Variants in SORCS1 observed in about 807,000 individuals in gnomAD.
The protein encoded by SORCS1 is sortilin related VPS10 domain containing receptor 1.
A neutral mutation model predicts 146.1 loss-of-function variants in SORCS1; 60 were observed. The observed-to-expected ratio is 0.41, with a 90% CI of 0.33 to 0.51. The LOEUF (loss-of-function observed/expected upper bound fraction) is 0.51, where lower values mean the gene tolerates loss of function less well. Ranked by LOEUF, SORCS1 falls within the 20% of genes least tolerant of loss-of-function variation. SORCS1 has a pLI of 0.21. For missense variants in SORCS1, 1,352 were observed against 1,487.6 expected, an observed-to-expected ratio of 0.91 and a Z score of 1.50; for synonymous variants, 637 against 584.0, an observed-to-expected ratio of 1.09 and a Z score of -1.31.
intron 1 of SORCS1, among the ~76,000 whole-genome samples, chr10:107,063,914 C>T (rs75264208): frequency 1.5e-3 from 228 of 152,232 alleles, no homozygotes; most frequent in African/African-American, 5.3e-3. Flanking sequence ...TTTTAAAATA[C>T]TTGAAATGAA....
intron 18 of SORCS1, among the ~76,000 whole-genome samples, chr10:106,646,943 C>T (rs1441314808): frequency 6.7e-6 from 1 of 148,642 alleles, no homozygotes; most frequent in Non-Finnish European, 1.5e-5. Flanking sequence ...TTTCTTGACT[C>T]TCCTTGTTCA....
chr10:106,883,306 G>C (rs568807265), intron 2 of SORCS1, among the ~76,000 whole-genome samples: 50 of 152,164 alleles, frequency 3.3e-4, no homozygotes, highest in Non-Finnish European at 2.4e-4. Flanking sequence ...AATCTTCATA[G>C]ATTTTTTCTT....
chr10:107,098,562 T>C (rs1301793454), intron 1 of SORCS1, among the ~76,000 whole-genome samples: 1 of 152,262 alleles, frequency 6.6e-6, no homozygotes, highest in Non-Finnish European at 1.5e-5. Flanking sequence ...GAGAATTTAC[T>C]GTTTTCTGTC....
At chr10:106,792,029 T>A (rs531776021) in intron 3 of SORCS1, among the ~76,000 whole-genome samples, 2 of 152,230 alleles carry the variant, frequency 1.3e-5, no homozygotes, top group Non-Finnish European at 2.9e-5. Context: ...TGTCTCTTTT[T>A]CTTATTGATT....
chr10:107,153,114 CTCTT>C (rs1968965072), intron 1 of SORCS1, among the ~76,000 whole-genome samples: 1 of 151,912 alleles, frequency 6.6e-6, no homozygotes, highest in African/African-American at 2.4e-5. Flanking sequence ...TTTCTTCTCT[CTCTT>C]ATTCATTTTC....
At chr10:107,176,092 C>T in the SORCS1 span, among the ~76,000 whole-genome samples, 1 of 152,132 alleles carries the variant, frequency 6.6e-6, no homozygotes, top group Non-Finnish European at 1.5e-5. Context: ...ACTGCTTTAG[C>T]TGCATCTCAC....
At chr10:106,881,178 G>T (rs1226619121) in intron 2 of SORCS1, among the ~76,000 whole-genome samples, 1 of 151,268 alleles carries the variant, frequency 6.6e-6, no homozygotes, top group Non-Finnish European at 1.5e-5. Flanking sequence ...CCAGTAAAAT[G>T]ACTTTGGGCT....
intron 10 of SORCS1, among the ~76,000 whole-genome samples, 182 bp from the exon 11 acceptor site, chr10:106,679,916 C>T (rs1421907944): frequency 6.6e-6 from 1 of 152,132 alleles, no homozygotes; most frequent in African/African-American, 2.4e-5. Flanking sequence ...ATCTAGTGTC[C>T]ACTAAGTGTA....
At chr10:106,928,374 G>C (rs1249411384) in intron 2 of SORCS1, among the ~76,000 whole-genome samples, 1 of 152,212 alleles carries the variant, frequency 6.6e-6, no homozygotes, top group Admixed American at 6.5e-5. Flanking sequence ...GCCAGGGGCC[G>C]GCAGGCTGCT....
At chr10:106,591,797 G>C (rs894675077) in intron 24 of SORCS1, among the ~76,000 whole-genome samples, 1 of 152,174 alleles carries the variant, frequency 6.6e-6, no homozygotes, top group African/African-American at 2.4e-5. Context: ...CCAGGCAAAT[G>C]TCTCTGGAAA....
chr10:107,104,284 C>T (rs1388957419), intron 1 of SORCS1, among the ~76,000 whole-genome samples: 1 of 152,200 alleles, frequency 6.6e-6, no homozygotes, highest in South Asian at 2.1e-4. Context: ...CAAGTTTAAT[C>T]CTCTTCCGCT....
At chr10:106,934,105 A>C (rs1406310675) in intron 2 of SORCS1, among the ~76,000 whole-genome samples, 6 of 151,394 alleles carry the variant, frequency 4.0e-5, no homozygotes, top group South Asian at 2.1e-4. Context: ...AAAAACAAAA[A>C]AAAAAAAAAA....
intron 1 of SORCS1, among the ~76,000 whole-genome samples, chr10:106,997,442 T>C (rs1241285052): frequency 6.6e-6 from 1 of 152,186 alleles, no homozygotes; most frequent in Non-Finnish European, 1.5e-5. Context: ...ATCTGGACTA[T>C]ACTAAATTAC....
rs1394038844 is a variant in SORCS1 at position 106,846,003 on chromosome 10, C to A, written c.627-16330G>T. On this transcript the variant is annotated intron_variant, in intron 2 of 25. Transcript: ENST00000263054. ...TACTGTAGCCTTGTAGCATAGTTTGCAGTCAGGTAGTGTGATGCCTCCAGC... is the reference window on the plus strand; with the variant it reads ...TACTGTAGCCTTGTAGCATAGTTTGAAGTCAGGTAGTGTGATGCCTCCAGC... Among the ~76,000 whole-genome samples, 50 of 130,160 alleles carry A rather than the reference C, an allele frequency of 3.8e-4. 3 individuals are homozygous for A. The highest frequency in any genetic ancestry group is 6.6e-4 in the Non-Finnish European group (37 of 55,724). 85.4% of individuals were successfully genotyped at this position (130,160 alleles called of 152,430 possible).
At chr10:106,691,197 G>C (rs1368371799) in intron 9 of SORCS1, among the ~76,000 whole-genome samples, 1 of 152,270 alleles carries the variant, frequency 6.6e-6, no homozygotes, top group East Asian at 1.9e-4. Flanking sequence ...TGGAGCTAAG[G>C]GATGGGGTAG....
chr10:106,649,393 C>T (rs945077498), intron 18 of SORCS1, among the ~76,000 whole-genome samples: 2 of 152,124 alleles, frequency 1.3e-5, no homozygotes, highest in East Asian at 1.9e-4. Flanking sequence ...CGAGCAACAC[C>T]CCCATCACAC....
intron 3 of SORCS1, among the ~76,000 whole-genome samples, chr10:106,801,501 G>C (rs1472067631): frequency 2.7e-5 from 4 of 150,868 alleles, no homozygotes; most frequent in African/African-American, 9.7e-5. Flanking sequence ...CGAATTTATT[G>C]GGCAGGAACT....
intron 1 of SORCS1, among the ~76,000 whole-genome samples, chr10:107,094,916 T>C (rs142032866): frequency 1.6e-4 from 25 of 152,306 alleles, no homozygotes; most frequent in African/African-American, 5.3e-4. Context: ...ATAGACAGGT[T>C]TGATGATCTG....
chr10:106,684,905 T>G (rs954156732), intron 10 of SORCS1, among the ~76,000 whole-genome samples: 7 of 152,222 alleles, frequency 4.6e-5, no homozygotes, highest in African/African-American at 1.7e-4. Flanking sequence ...CAGATTTTTG[T>G]AAAGTGATTT....
Sources: allele counts gnomAD v4.1 joint callset (sites outside exome capture counted in the v4.1 genomes callset), GRCh38; gene constraint gnomAD v4.1.1; transcripts MANE v1.5; gene names NCBI Gene and HGNC (gene_info 2026-07-23, HGNC 2026-07-21).